KALRN: variants seen among roughly 807,000 people sequenced by gnomAD.
KALRN encodes the protein kalirin.
Under a neutral mutation model 353.7 loss-of-function variants are expected in KALRN, and 70 were observed. The ratio of observed to expected loss-of-function variants is 0.20; its 90% confidence interval spans 0.16 to 0.24. The LOEUF (loss-of-function observed/expected upper bound fraction) is 0.24. Ranked by LOEUF, KALRN falls within the 10% of genes least tolerant of loss-of-function variation. The pLI is 1.00. For missense variants in KALRN, 2,791 were observed against 3,756.7 expected, an observed-to-expected ratio of 0.74 and a Z score of 6.72; for synonymous variants, 1,391 against 1,434.8, an observed-to-expected ratio of 0.97 and a Z score of 0.69.
intron 34 of KALRN, among the ~76,000 whole-genome samples, chr3:124,595,019 A>G (rs1039657535): frequency 2.0e-5 from 3 of 151,504 alleles, no homozygotes; most frequent in African/African-American, 7.3e-5. Flanking sequence ...GAAATAGTTC[A>G]TTTTTAAATT....
chr3:124,034,960 A>G (rs1369932998), intron 1 of KALRN, among the ~76,000 whole-genome samples: 2 of 151,834 alleles, frequency 1.3e-5, no homozygotes, highest in Non-Finnish European at 2.9e-5. Flanking sequence ...CTTGCCCTGG[A>G]GGTCATCTCT....
At chr3:124,069,970 A>T (rs2059935107) in intron 1 of KALRN, among the ~76,000 whole-genome samples, 2 of 152,210 alleles carry the variant, frequency 1.3e-5, no homozygotes. Context: ...ACTAGCAGGC[A>T]TGTATTTAGA....
intron 1 of KALRN, among the ~76,000 whole-genome samples, chr3:124,209,766 T>G (rs2076745985): frequency 6.6e-6 from 1 of 152,246 alleles, no homozygotes; most frequent in Non-Finnish European, 1.5e-5. Flanking sequence ...GAATCTTAAC[T>G]TTTGCACTAA....
chr3:124,083,307 G>T (rs918031455), intron 1 of KALRN, among the ~76,000 whole-genome samples: 1 of 152,306 alleles, frequency 6.6e-6, no homozygotes. Context: ...TTAATATGGT[G>T]TTGAAAAAGT....
intron 34 of KALRN, among the ~76,000 whole-genome samples, chr3:124,619,652 A>G (rs1337655891): frequency 6.6e-6 from 1 of 151,752 alleles, no homozygotes; most frequent in African/African-American, 2.4e-5. Context: ...ACACCCAGCT[A>G]ATTTTTGTAT....
At chr3:124,602,527 A>G (rs143505727) in intron 34 of KALRN, among the ~76,000 whole-genome samples, 106 of 152,330 alleles carry the variant, frequency 7.0e-4, no homozygotes, top group African/African-American at 2.5e-3. Flanking sequence ...GATGAGTTTA[A>G]GAACTGAAAT....
intron 34 of KALRN, among the ~76,000 whole-genome samples, chr3:124,612,277 C>T (rs2078077726): frequency 6.6e-6 from 1 of 151,874 alleles, no homozygotes; most frequent in South Asian, 2.1e-4. Context: ...GATCTCGGCT[C>T]ACCACAACCT....
intron 1 of KALRN, among the ~76,000 whole-genome samples, chr3:124,192,736 A>T (rs1344766400): frequency 6.6e-6 from 1 of 152,226 alleles, no homozygotes; most frequent in African/African-American, 2.4e-5. Flanking sequence ...CACAGAGGAG[A>T]GGCTGTAGAA....
intron 33 of KALRN, among the ~76,000 whole-genome samples, chr3:124,535,273 T>C (rs1258623849): frequency 1.3e-5 from 2 of 152,166 alleles, no homozygotes; most frequent in African/African-American, 4.8e-5. Flanking sequence ...TATGTACAGA[T>C]ATGCTCACAA....
intron 1 of KALRN, among the ~76,000 whole-genome samples, chr3:124,036,871 A>G (rs188508382): frequency 1.1e-4 from 17 of 152,290 alleles, no homozygotes; most frequent in Non-Finnish European, 2.2e-4. Flanking sequence ...TGGTGTTTCA[A>G]TCCCTTGACC....
At chr3:124,210,518 G>A (rs569311912) in intron 1 of KALRN, among the ~76,000 whole-genome samples, 6 of 152,264 alleles carry the variant, frequency 3.9e-5, no homozygotes, top group South Asian at 4.1e-4. Flanking sequence ...CTCTTCTACA[G>A]CAAAGCAGAT....
intron 1 of KALRN, among the ~76,000 whole-genome samples, chr3:124,186,608 G>A (rs929322592): frequency 6.6e-6 from 1 of 152,168 alleles, no homozygotes; most frequent in African/African-American, 2.4e-5. Flanking sequence ...CAGGTGTCCA[G>A]TTATTTACTG....
intron 2 of KALRN, 52 bp from the exon 3 acceptor site, chr3:124,234,777 T>C: frequency 7.2e-7 from 1 of 1,389,912 alleles, no homozygotes; most frequent in Non-Finnish European, 1.0e-6. Flanking sequence ...CCTCTGTGGC[T>C]TTCCTTTCTG....
intron 1 of KALRN, among the ~76,000 whole-genome samples, chr3:124,133,274 C>A (rs1351500627): frequency 1.3e-5 from 2 of 152,186 alleles, no homozygotes; most frequent in Non-Finnish European, 2.9e-5. Flanking sequence ...GGAATCAAAT[C>A]TGGGCAAGCT....
chr3:124,569,969 C>T (rs769488628), intron 34 of KALRN, among the ~76,000 whole-genome samples: 10 of 152,204 alleles, frequency 6.6e-5, no homozygotes, highest in East Asian at 1.9e-4. Flanking sequence ...ACTCTGATAG[C>T]GGCCTGCCAA....
chr3:124,065,156 G>T (rs1412544116), intron 1 of KALRN, among the ~76,000 whole-genome samples: 1 of 152,116 alleles, frequency 6.6e-6, no homozygotes, highest in Admixed American at 6.5e-5. Flanking sequence ...AAGAGAGAAG[G>T]TTTCTTATTT....
At chr3:124,364,007 G>C (rs546939115) in intron 10 of KALRN, among the ~76,000 whole-genome samples, 2 of 152,328 alleles carry the variant, frequency 1.3e-5, no homozygotes, top group Non-Finnish European at 2.9e-5. Flanking sequence ...ACAGCAAGCA[G>C]TGTTGCCCCA....
chr3:124,198,963 C>T (rs1490435215), intron 1 of KALRN, among the ~76,000 whole-genome samples: 1 of 152,136 alleles, frequency 6.6e-6, no homozygotes, highest in Non-Finnish European at 1.5e-5. Context: ...ATTGTGTGAT[C>T]GGTCAGTGCT....
chr3:124,468,646 G>A (rs1187510429), intron 25 of KALRN, among the ~76,000 whole-genome samples: 2 of 152,176 alleles, frequency 1.3e-5, no homozygotes, highest in East Asian at 3.8e-4. Context: ...AGATAATCTA[G>A]TTCTCCCTTG....
Sources: gnomAD v4.1 joint callset for allele counts (sites outside exome capture counted in the v4.1 genomes callset) on GRCh38, gnomAD v4.1.1 for gene constraint, MANE v1.5 for transcripts, NCBI Gene and HGNC (gene_info 2026-07-23, HGNC 2026-07-21) for gene names.